Variants in STAC2 observed in about 807,000 individuals in gnomAD.
STAC2 encodes SH3 and cysteine rich domain 2.
STAC2 carries 36 observed loss-of-function variants against 49.0 expected under a neutral mutation model. The ratio of observed to expected loss-of-function variants is 0.74; its 90% CI spans 0.56 to 0.97. The LOEUF is 0.97. Among genes scored for constraint, STAC2 ranks in the 50% least tolerant of loss-of-function variants. The pLI, the probability that STAC2 is intolerant of heterozygous loss-of-function variation, is 0.00. For missense variants in STAC2, 527 were observed against 543.8 expected (o/e 0.97, Z 0.31); for synonymous variants, 239 against 214.7 (o/e 1.11, Z -0.99).
At chr17:39,214,384 AC>A (rs1204652149) in intron 7 of STAC2, 54 bp from the exon 8 acceptor site, 1 of 1,608,198 alleles carries the variant, frequency 6.2e-7, no homozygotes, top group African/African-American at 1.3e-5. Flanking sequence ...CACTCCCCCC[AC>A]TCTCCACTCG....
At position 39,215,214 on chromosome 17, in the gene STAC2, C is replaced by T. The variant is rs1433054988; in HGVS notation, c.603G>A (p.Val201=). The part of the protein sequence containing the change: ...ESPPTGDSGK[V]DPVYETLRYG... ...AGCGCAGGGTCTCGTAGACAGGGTC[C>T]ACCTTCCCACTGTCCCCTGCAGATT... The change falls in exon 5 of 11, where the codon GTG becomes GTA. Residue 201 remains valine (V), a synonymous_variant. Coordinates refer to ENST00000333461, the MANE Select transcript of STAC2 (RefSeq NM_198993.5). The T allele has an allele frequency of 2.5e-6, 4 of 1,613,792 alleles. No individual in the cohort carries two copies. Among genetic ancestry groups the T allele is most frequent in the Non-Finnish European group, 3.4e-6 (4 of 1,179,890 alleles).
intron 1 of STAC2, among the ~76,000 whole-genome samples, chr17:39,223,852 A>G (rs1156854132): frequency 2.0e-5 from 3 of 152,134 alleles, no homozygotes; most frequent in African/African-American, 7.2e-5. Context: ...CTTCTGCTTG[A>G]CAGAAGTTGT....
rs893659125 is a variant in STAC2 at position 39,210,656 on chromosome 17, G to GT, written c.*1635_*1636insA. On this transcript the variant is annotated 3_prime_UTR_variant, in exon 11 of 11. Transcript: ENST00000333461. ...CCCCTGGGATATTGCTGGGGGGGGG[G>GT]GCCTCATGGCAGCAAACAGGGCAGT... 1 of 152,430 alleles carries GT rather than the reference G, an allele frequency of 6.6e-6. No homozygotes were observed. Among genetic ancestry groups the GT allele is most frequent in the Non-Finnish European group, 1.5e-5 (1 of 68,088 alleles). The allele number at this position is 152,430 out of a possible 1,614,324, so 9.4% of individuals were successfully genotyped here.
chr17:39,214,840 G>A lies in STAC2; in HGVS notation c.794C>T (p.Pro265Leu), dbSNP rs763404643. The change falls in exon 7 of 11, where the codon CCA becomes CTA. Residue 265 changes from proline (P) to leucine (L), a missense_variant. Coordinates refer to ENST00000333461, the MANE Select transcript of STAC2 (RefSeq NM_198993.5). ...GDSASPVFTA[P>L]AESEGPGPEE... ...TGGTCCTGGCCCTTCACTCTCTGCTGGGGCTGTGAATACTGGAGATGCTAG... is the reference window on the plus strand; with the variant it reads ...TGGTCCTGGCCCTTCACTCTCTGCTAGGGCTGTGAATACTGGAGATGCTAG... 2 of 1,614,122 alleles carry A rather than the reference G, an allele frequency of 1.2e-6. No individual in the cohort carries two copies. The highest frequency in any genetic ancestry group is 1.7e-6 in the Non-Finnish European group (2 of 1,180,000).
intron 8 of STAC2, 83 bp from the exon 9 acceptor site, chr17:39,213,641 A>G: frequency 8.3e-7 from 1 of 1,208,534 alleles, no homozygotes; most frequent in Non-Finnish European, 1.2e-6. Context: ...CACCTGGGGG[A>G]CACTGCAGTC....
At chr17:39,220,354 C>T (rs1328702656) in intron 1 of STAC2, among the ~76,000 whole-genome samples, 2 of 152,202 alleles carry the variant, frequency 1.3e-5, no homozygotes, top group African/African-American at 2.4e-5. Flanking sequence ...AGGCATGGAG[C>T]ACACAGGGTC....
intron 3 of STAC2, 24 bp from the exon 4 acceptor site, chr17:39,216,924 G>C (rs1409616003): frequency 1.3e-6 from 2 of 1,588,206 alleles, no homozygotes; most frequent in East Asian, 4.6e-5. Context: ...GGGCAGAGAG[G>C]TTTTGAGGAG....
chr17:39,218,254 G>A (rs752989335), intron 1 of STAC2, 81 bp from the exon 2 acceptor site: 228 of 1,463,308 alleles, frequency 1.6e-4, no homozygotes, highest in Non-Finnish European at 2.0e-4. Flanking sequence ...TGTCTCTGGC[G>A]GTAGGGGCGG....
chr17:39,217,160 CT>C lies in STAC2; in HGVS notation c.410del (p.Gln137ArgfsTer80). ...CHQLIVGNSK[Q>X]GLRCKMCKVS... ...CTTTGCACATCTTACATCGCAAGCCCTGTTTGGAGTTTCCTAGGAAGAATTT... is the reference window on the plus strand; with the variant it reads ...CTTTGCACATCTTACATCGCAAGCCCGTTTGGAGTTTCCTAGGAAGAATTT... On this transcript the variant is annotated frameshift_variant, in exon 3 of 11. Transcript: ENST00000333461. LOFTEE classifies it high-confidence loss of function. 1 of 1,613,594 alleles carries C rather than the reference CT, an allele frequency of 6.2e-7. No individual in the cohort carries two copies. The highest frequency in any genetic ancestry group is 2.2e-5 in the East Asian group (1 of 44,876).
In STAC2 at chr17:39,217,187, G is replaced by C; in HGVS notation, c.398-14C>G. ...GTTTGGAGTTTCCTAGGAAGAATTT[G>C]GGTTCAGCAATTGAGGACACCCCCG... On this transcript the variant is annotated splice_polypyrimidine_tract_variant and intron_variant, in intron 2 of 10. Transcript: ENST00000333461. 1.2e-6 allele frequency: 2 copies of C among 1,611,308 alleles called. No homozygotes were observed. Among genetic ancestry groups the C allele is most frequent in the Non-Finnish European group, 1.7e-6 (2 of 1,178,950 alleles).
intron 2 of STAC2, 55 bp downstream of exon 2, chr17:39,217,812 C>G: frequency 6.5e-7 from 1 of 1,541,924 alleles, no homozygotes; most frequent in South Asian, 1.2e-5. Flanking sequence ...TGAGCCCACT[C>G]CCCAGTACCC....
At position 39,218,099 on chromosome 17, in the gene STAC2, G is replaced by A. The variant is rs776774536; in HGVS notation, c.165C>T (p.Arg55=). The A allele has an allele frequency of 2.5e-6, 4 of 1,613,254 alleles. No individual in the cohort carries two copies. The South Asian group carries it at 3.3e-5, about 13-fold the overall frequency. Residue 55 remains arginine, a synonymous_variant, in exon 2 of 11, where the codon CGC becomes CGT. Coordinates refer to ENST00000333461, the MANE Select transcript of STAC2 (RefSeq NM_198993.5). ...TGGGGCACTTGAGCTCAGAGCCCGAGCGAAGGAAGAAGTTCTCCAAGCTCT... is the reference window on the plus strand; with the variant it reads ...TGGGGCACTTGAGCTCAGAGCCCGAACGAAGGAAGAAGTTCTCCAAGCTCT... ...RSKSLENFFL[R]SGSELKCPTE... is the part of the protein sequence containing the mutation.
Position 39,212,306 on chromosome 17 carries a change from G to A in STAC2, c.1222C>T (p.Leu408=), listed in dbSNP as rs1372448116. The change falls in exon 11 of 11, where the codon CTG becomes TTG. Residue 408 remains leucine (L), a synonymous_variant. Coordinates refer to ENST00000333461, the MANE Select transcript of STAC2 (RefSeq NM_198993.5). ...CTTGGCTCCTCTCAGATCTCAGTCAGGGCGTCGACTGGCACCAGGCCCCGC... is the reference window on the plus strand; with the variant it reads ...CTTGGCTCCTCTCAGATCTCAGTCAAGGCGTCGACTGGCACCAGGCCCCGC... ...KKRGLVPVDA[L]TEI is the part of the protein sequence containing the mutation. 1 of 1,609,978 alleles carries A rather than the reference G, an allele frequency of 6.2e-7. No individual in the cohort carries two copies. The highest frequency in any genetic ancestry group is 1.1e-5 in the South Asian group (1 of 90,054).
rs1185436606 is a variant in STAC2 at position 39,217,957 on chromosome 17, C to T, written c.307G>A (p.Ala103Thr). The change falls in exon 2 of 11, where the codon GCA (alanine) becomes ACA (threonine). Residue 103 changes from alanine to threonine, a missense_variant. Transcript: ENST00000333461. ...PSPCPVPRPL[A>T]ALKPVRLHSF... ...TGCAGCCTCACTGGTTTGAGCGCTG[C>T]CAGGGGGCGTGGGACTGGGCATGGG... The T allele has an allele frequency of 6.3e-7, 1 of 1,596,274 alleles. No homozygotes were observed. The highest frequency in any genetic ancestry group is 8.5e-7 in the Non-Finnish European group (1 of 1,172,134).
rs2144224857 is a variant in STAC2 at position 39,211,833 on chromosome 17, C to T, written c.*459G>A. 1 of 153,564 alleles carries T rather than the reference C, an allele frequency of 6.5e-6. No homozygotes were observed. The highest frequency in any genetic ancestry group is 2.1e-4 in the South Asian group (1 of 4,876). The allele number at this position is 153,564 out of a possible 1,614,324, so 9.5% of individuals were successfully genotyped here. ...ACACAAAAAGGCCTGCTCCCAAGAC[C>T]CCACTTGCAAAGGAGCAGATGCACG... On this transcript the variant is annotated 3_prime_UTR_variant, in exon 11 of 11. Coordinates refer to ENST00000333461, the MANE Select transcript of STAC2 (RefSeq NM_198993.5).
intron 8 of STAC2, 74 bp downstream of exon 8, chr17:39,214,159 C>A: frequency 2.0e-6 from 3 of 1,530,940 alleles, no homozygotes; most frequent in South Asian, 2.3e-5. Context: ...TTCCTGAAGG[C>A]CCCCCTCACA....
At chr17:39,212,857 T>C in intron 10 of STAC2, 138 bp downstream of exon 10, 1 of 1,424,176 alleles carries the variant, frequency 7.0e-7, no homozygotes, top group Non-Finnish European at 9.4e-7. Flanking sequence ...CCTGCAACCC[T>C]TTCTTTCTAA....
chr17:39,214,704 C>T (rs2046385010), intron 7 of STAC2, 87 bp downstream of exon 7: 1 of 1,468,660 alleles, frequency 6.8e-7, no homozygotes, highest in African/African-American at 1.4e-5. Context: ...ACGCACCATG[C>T]TCTTGCCCCC....
At chr17:39,224,648 T>C (rs1177776625) in intron 1 of STAC2, among the ~76,000 whole-genome samples, 1 of 152,238 alleles carries the variant, frequency 6.6e-6, no homozygotes, top group East Asian at 1.9e-4. Flanking sequence ...ATGACATTCA[T>C]TAATTACGAT....
Sources: allele counts gnomAD v4.1 joint callset (sites outside exome capture counted in the v4.1 genomes callset), GRCh38; gene constraint gnomAD v4.1.1; transcripts MANE v1.5; gene names NCBI Gene and HGNC (gene_info 2026-07-23, HGNC 2026-07-21).